The following KLHL29 variants were observed in gnomAD, a reference collection of about 807,000 sequenced individuals.
The protein encoded by KLHL29 is kelch like family member 29.
In KLHL29, 21 loss-of-function variants were observed where a neutral mutation model predicts 80.4. That is an observed-to-expected ratio of 0.26 (90% CI 0.19 to 0.38). The LOEUF (loss-of-function observed/expected upper bound fraction) is 0.38. KLHL29 is among the 10% of genes least tolerant of loss of function. KLHL29 has a pLI of 1.00. For synonymous variants in KLHL29, 511 were observed against 526.8 expected, an observed-to-expected ratio of 0.97 and a Z score of 0.41; for missense variants, 867 against 1,223.9, an observed-to-expected ratio of 0.71 and a Z score of 4.35.
intron 1 of KLHL29, among the ~76,000 whole-genome samples, chr2:23,427,804 A>T (rs1298533867): frequency 6.6e-6 from 1 of 152,190 alleles, no homozygotes; most frequent in Non-Finnish European, 1.5e-5. Flanking sequence ...TTTGTGACAT[A>T]TTTTTAAACA....
intron 3 of KLHL29, among the ~76,000 whole-genome samples, chr2:23,575,991 A>G (rs1312153883): frequency 6.6e-6 from 1 of 152,204 alleles, no homozygotes; most frequent in African/African-American, 2.4e-5. Flanking sequence ...CTGCGTCACC[A>G]TCGCCTCTTC....
intron 1 of KLHL29, 110 bp downstream of exon 1, chr2:23,385,890 C>A (rs1666162746): frequency 6.6e-6 from 1 of 152,102 alleles, no homozygotes; most frequent in African/African-American, 2.4e-5. Flanking sequence ...GGGGCCGGAA[C>A]CCGGAACCCT....
intron 1 of KLHL29, among the ~76,000 whole-genome samples, chr2:23,438,183 T>C (rs1663400653): frequency 6.6e-6 from 1 of 151,098 alleles, no homozygotes; most frequent in Non-Finnish European, 1.5e-5. Flanking sequence ...TTTGCTGAAG[T>C]TGCTTATCAG....
At chr2:23,501,992 A>T (rs1665460131) in intron 2 of KLHL29, among the ~76,000 whole-genome samples, 1 of 152,164 alleles carries the variant, frequency 6.6e-6, no homozygotes, top group African/African-American at 2.4e-5. Context: ...CAAACCAAAG[A>T]AAAAAGACTC....
Position 23,682,448 on chromosome 2 carries a change from C to A in KLHL29, c.941-1951C>A, listed in dbSNP as rs1671114051. On this transcript the variant is annotated intron_variant, in intron 5 of 13. Transcript: ENST00000486442. The surrounding 1 kb of genome is among the most constrained non-coding windows in gnomAD (Gnocchi z 4.1). Reference sequence around the variant, plus strand: ...ACGGCGCTATCTTGCCTCCCATTGGCCTCCCAAGCCACTCCCCATCCTGCC... The same window carrying A: ...ACGGCGCTATCTTGCCTCCCATTGGACTCCCAAGCCACTCCCCATCCTGCC... 6.6e-6 allele frequency among the ~76,000 whole-genome samples: 1 copy of A among 152,188 alleles called. No individual in the cohort carries two copies. Among genetic ancestry groups the A allele is most frequent in the Non-Finnish European group, 1.5e-5 (1 of 68,042 alleles).
At chr2:23,514,236 T>A (rs114935805) in intron 2 of KLHL29, among the ~76,000 whole-genome samples, 1,641 of 152,312 alleles carry the variant, frequency 0.011, 34 homozygotes, top group South Asian at 0.049. Flanking sequence ...TGCAGTTGCC[T>A]GTTTTTCATC....
At chr2:23,422,155 G>A (rs968695584) in intron 1 of KLHL29, among the ~76,000 whole-genome samples, 3 of 151,296 alleles carry the variant, frequency 2.0e-5, no homozygotes, top group African/African-American at 7.3e-5. Context: ...CTGTGTGAGT[G>A]TGTGTTCTTT....
intron 3 of KLHL29, among the ~76,000 whole-genome samples, chr2:23,581,079 C>T (rs1474673198): frequency 7.0e-6 from 1 of 143,836 alleles, no homozygotes; most frequent in African/African-American, 2.8e-5. Flanking sequence ...AGAATAAATT[C>T]CTGGAGGCTT....
chr2:23,393,818 G>C lies in KLHL29; in HGVS notation c.-154+8038G>C, dbSNP rs115205597. On this transcript the variant is annotated intron_variant, in intron 1 of 13. Transcript: ENST00000486442. ...TGCCTGGGATCTGGACCACACAGGA[G>C]GTTTGGGGTGTGGGGAGGCTGGCCC... Among the ~76,000 whole-genome samples the C allele has an allele frequency of 1.8e-3, 279 of 152,304 alleles. 1 individual carries two copies. Among genetic ancestry groups the C allele is most frequent in the African/African-American group, 6.4e-3 (265 of 41,580 alleles).
At chr2:23,488,969 G>A (rs1013935721) in intron 2 of KLHL29, among the ~76,000 whole-genome samples, 5 of 152,196 alleles carry the variant, frequency 3.3e-5, no homozygotes, top group African/African-American at 2.4e-5. Context: ...GGATGCTCTC[G>A]CTTCTGGGGT....
intron 1 of KLHL29, among the ~76,000 whole-genome samples, chr2:23,421,730 TTGTG>T (rs375645313): frequency 6.0e-5 from 9 of 149,060 alleles, no homozygotes; most frequent in Admixed American, 5.3e-4. Context: ...TGTCTCTGTG[TTGTG>T]TGTATGTGTG....
chr2:23,572,292 C>T (rs959889342), intron 3 of KLHL29, among the ~76,000 whole-genome samples: 8 of 152,224 alleles, frequency 5.3e-5, no homozygotes, highest in Admixed American at 2.0e-4. Flanking sequence ...TTGTCATTTC[C>T]TCTCTTTCCT....
intron 1 of KLHL29, among the ~76,000 whole-genome samples, chr2:23,424,575 A>G (rs1387669921): frequency 6.6e-6 from 1 of 152,236 alleles, no homozygotes; most frequent in Non-Finnish European, 1.5e-5. Context: ...ATTTGCCTCA[A>G]GGTTGTTTTT....
chr2:23,436,433 G>A (rs1225629336), intron 1 of KLHL29, among the ~76,000 whole-genome samples: 1 of 151,898 alleles, frequency 6.6e-6, no homozygotes, highest in African/African-American at 2.4e-5. Flanking sequence ...GGTCTTAATT[G>A]TGTGGTGATA....
chr2:23,677,925 G>C (rs1171868645), intron 5 of KLHL29, among the ~76,000 whole-genome samples: 1 of 152,110 alleles, frequency 6.6e-6, no homozygotes, highest in Non-Finnish European at 1.5e-5. Context: ...CACCTAGCTG[G>C]GTTCTTACTT....
intron 1 of KLHL29, among the ~76,000 whole-genome samples, chr2:23,450,952 T>A (rs944255175): frequency 6.6e-6 from 1 of 152,242 alleles, no homozygotes; most frequent in Non-Finnish European, 1.5e-5. Flanking sequence ...TTTTTTCTTT[T>A]TCACTCAAAC....
chr2:23,691,922 T>C, intron 7 of KLHL29, 46 bp downstream of exon 7: 5 of 1,522,252 alleles, frequency 3.3e-6, no homozygotes, highest in Non-Finnish European at 4.4e-6. Flanking sequence ...AGAGTGCAGA[T>C]GGGCGGAGAA....
chr2:23,592,306 G>T (rs781212848), intron 3 of KLHL29, among the ~76,000 whole-genome samples: 165 of 150,924 alleles, frequency 1.1e-3, no homozygotes, highest in Non-Finnish European at 1.9e-3. Context: ...TTCCCATCCT[G>T]AGCCCCTGGT....
chr2:23,506,906 C>G (rs908045442), intron 2 of KLHL29: 1 of 187,150 alleles, frequency 5.3e-6, no homozygotes, highest in Non-Finnish European at 1.2e-5. Context: ...GTAGAAGTCT[C>G]TCTTCCAGAG....
Sources: gnomAD v4.1 joint callset for allele counts (sites outside exome capture counted in the v4.1 genomes callset) on GRCh38, gnomAD v4.1.1 for gene constraint, Gnocchi (gnomAD v3.1) non-coding constraint, MANE v1.5 for transcripts, NCBI Gene and HGNC (gene_info 2026-07-23, HGNC 2026-07-21) for gene names.